RBCK1: variants seen among roughly 807,000 people sequenced by gnomAD.
RBCK1 encodes ranBP-type and C3HC4-type zinc finger-containing protein 1.
Under a neutral mutation model 71.1 loss-of-function variants are expected in RBCK1, and 44 were observed. The observed-to-expected ratio is 0.62, with a 90% CI of 0.49 to 0.80. The LOEUF is 0.80. Ranked by LOEUF, RBCK1 falls within the 30% of genes least tolerant of loss-of-function variation. The pLI is 0.00. For missense variants in RBCK1, 569 were observed against 685.0 expected (o/e 0.83, Z 1.89); for synonymous variants, 306 against 279.7 (o/e 1.09, Z -0.94).
chr20:421,674 G>T (rs959046584), intron 7 of RBCK1, among the ~76,000 whole-genome samples: 1 of 152,150 alleles, frequency 6.6e-6, no homozygotes, highest in Non-Finnish European at 1.5e-5. Context: ...GGCCTGGCCT[G>T]TTGGAGGAGA....
chr20:430,616 C>CTTCT lies in RBCK1; in HGVS notation c.*187_*190dup, dbSNP rs2016971585. On this transcript the variant is annotated 3_prime_UTR_variant, in exon 12 of 12. Coordinates refer to ENST00000356286, the MANE Select transcript of RBCK1 (RefSeq NM_031229.4). This position sits in a 1 kb window ranked among gnomAD's most constrained non-coding sequence, Gnocchi z 5.6. The stretch of plus-strand genomic sequence containing the variant: ...CTTCCCTTGGGGCTTGCCGGCCAGA[C>CTTCT]TTCTCTCCCCTGCGGCTCCCACCTC... 6 of 629,964 alleles carry CTTCT rather than the reference C, an allele frequency of 9.5e-6. No homozygotes were observed. In the South Asian group the frequency reaches 1.1e-4, roughly 12 times the overall value. 39.0% of individuals were successfully genotyped at this position (629,964 alleles called of 1,614,324 possible).
At position 431,813 on chromosome 20, in the gene RBCK1, G is replaced by A. The variant is rs781719741; in HGVS notation, c.*1383G>A. 2.0e-5 allele frequency among the ~76,000 whole-genome samples: 3 copies of A among 152,168 alleles called. No homozygotes were observed. The highest frequency in any genetic ancestry group is 4.8e-5 in the African/African-American group (2 of 41,452). ...AGGGGCACACTCAGGCAGCCTCCCC[G>A]GCCCTGGAGGCAGAAAGGCCCAGGC... On this transcript the variant is annotated 3_prime_UTR_variant, in exon 12 of 12. Coordinates refer to ENST00000356286, the MANE Select transcript of RBCK1 (RefSeq NM_031229.4). This position sits in a 1 kb window ranked among gnomAD's most constrained non-coding sequence, Gnocchi z 4.8.
chr20:422,564 T>A lies in RBCK1; in HGVS notation c.1029+326T>A, dbSNP rs2016503200. On this transcript the variant is annotated intron_variant, in intron 8 of 11. Coordinates refer to ENST00000356286, the MANE Select transcript of RBCK1 (RefSeq NM_031229.4). The surrounding 1 kb of genome is among the most constrained non-coding windows in gnomAD (Gnocchi z 5.0). ...CAGGGACTCGGCTGGGCGTGGCAGC[T>A]CACACCTGTAATCCCAGCACTTTGG... Among the ~76,000 whole-genome samples, 1 of 152,126 alleles carries A rather than the reference T, an allele frequency of 6.6e-6. No individual in the cohort carries two copies.
In RBCK1 at chr20:417,967, G is replaced by A. The variant is rs962744015; in HGVS notation, c.460+37G>A. 1 of 1,580,586 alleles carries A rather than the reference G, an allele frequency of 6.3e-7. No homozygotes were observed. Among genetic ancestry groups the A allele is most frequent in the South Asian group, 1.1e-5 (1 of 88,890 alleles). ...CCCTGAGCACCGCCGGACCCAGCGG[G>A]GGCCCTGGACTCACTTGAGGGCATA... On this transcript the variant is annotated intron_variant, in intron 4 of 11. Coordinates refer to ENST00000356286, the MANE Select transcript of RBCK1 (RefSeq NM_031229.4). The surrounding 1 kb of genome is among the most constrained non-coding windows in gnomAD (Gnocchi z 4.7).
At chr20:424,621 C>T (rs6139146) in intron 8 of RBCK1, among the ~76,000 whole-genome samples, 18 of 152,190 alleles carry the variant, frequency 1.2e-4, no homozygotes, top group Non-Finnish European at 2.6e-4. Flanking sequence ...TGGGTGGTTG[C>T]TGAGGCTCCT....
chr20:409,707 G>A (rs969523311), intron 1 of RBCK1, 174 bp from the exon 2 acceptor site: 7 of 957,096 alleles, frequency 7.3e-6, no homozygotes, highest in Non-Finnish European at 1.1e-5. Context: ...GAATATTAGA[G>A]AACCCCTCCC....
At position 422,175 on chromosome 20, in the gene RBCK1, C is replaced by T; in HGVS notation, c.966C>T (p.Ser322=). ...TIRNSQEAEV[S]CPFIDNTYSC... is the part of the protein sequence containing the mutation. ...GCAACAGCCAGGAGGCGGAGGTCTC[C>T]TGCCCCTTCATTGACAACACCTACT... The change falls in exon 8 of 12, where the codon TCC becomes TCT. Residue 322 remains serine, a synonymous_variant. Coordinates refer to ENST00000356286, the MANE Select transcript of RBCK1 (RefSeq NM_031229.4). This position sits in a 1 kb window ranked among gnomAD's most constrained non-coding sequence, Gnocchi z 5.0. The T allele has an allele frequency of 6.2e-7, 1 of 1,613,222 alleles. No individual in the cohort carries two copies. Among genetic ancestry groups the T allele is most frequent in the Non-Finnish European group, 8.5e-7 (1 of 1,179,936 alleles).
At chr20:420,340 T>C in intron 6 of RBCK1, 1 of 982,326 alleles carries the variant, frequency 1.0e-6, no homozygotes, top group Non-Finnish European at 1.2e-6. Flanking sequence ...CCCCGAGTGC[T>C]CCCCATTCTG....
Position 410,157 on chromosome 20 carries a change from C to T in RBCK1, c.167+132C>T, listed in dbSNP as rs149689056. ...TTCTAACCCTAGTTATGTCATTAATCAACTGTGAAATACAGAGCAGGTCAC... is the reference window on the plus strand; with the variant it reads ...TTCTAACCCTAGTTATGTCATTAATTAACTGTGAAATACAGAGCAGGTCAC... On this transcript the variant is annotated intron_variant, in intron 2 of 11. Coordinates refer to ENST00000356286, the MANE Select transcript of RBCK1 (RefSeq NM_031229.4). 9.1e-4 allele frequency: 948 copies of T among 1,041,914 alleles called. 5 individuals carry two copies. The Middle Eastern group carries it at 0.025, about 28-fold the overall frequency. 64.5% of individuals were successfully genotyped at this position (1,041,914 alleles called of 1,614,324 possible).
chr20:417,167 C>G lies in RBCK1; in HGVS notation c.168-359C>G. 1 of 496,202 alleles carries G rather than the reference C, an allele frequency of 2.0e-6. No individual in the cohort carries two copies. Among genetic ancestry groups the G allele is most frequent in the Middle Eastern group, 3.2e-4 (1 of 3,152 alleles). 30.7% of individuals were successfully genotyped at this position (496,202 alleles called of 1,614,324 possible). A position where few individuals can be genotyped will look rare whatever the true frequency, so the allele number is the denominator to read the frequency against. On this transcript the variant is annotated intron_variant, in intron 2 of 11. Transcript: ENST00000356286. This position sits in a 1 kb window ranked among gnomAD's most constrained non-coding sequence, Gnocchi z 4.7. ...TAAATGAGTTAATACACATGAAGTG[C>G]ATTAAATAGTCTTAGCACGTAGTTA...
At position 417,948 on chromosome 20, in the gene RBCK1, G is replaced by A; in HGVS notation, c.460+18G>A. On this transcript the variant is annotated intron_variant, in intron 4 of 11. Transcript: ENST00000356286. This position sits in a 1 kb window ranked among gnomAD's most constrained non-coding sequence, Gnocchi z 4.7. Reference sequence around the variant, plus strand: ...GCTGGAAGGTGAGGCTCTGCCCTGAGCACCGCCGGACCCAGCGGGGGCCCT... The same window carrying A: ...GCTGGAAGGTGAGGCTCTGCCCTGAACACCGCCGGACCCAGCGGGGGCCCT... 6 of 1,598,248 alleles carry A rather than the reference G, an allele frequency of 3.8e-6. No individual in the cohort carries two copies. The highest frequency in any genetic ancestry group is 5.1e-6 in the Non-Finnish European group (6 of 1,177,988).
At chr20:416,373 G>A (rs1376008871) in intron 2 of RBCK1, among the ~76,000 whole-genome samples, 3 of 151,874 alleles carry the variant, frequency 2.0e-5, no homozygotes, top group African/African-American at 7.3e-5. Flanking sequence ...TGTTAGCCAG[G>A]ATGGTCTCGA....
chr20:423,294 C>T (rs972927696), intron 8 of RBCK1, among the ~76,000 whole-genome samples: 13 of 152,180 alleles, frequency 8.5e-5, no homozygotes, highest in African/African-American at 1.4e-4. Flanking sequence ...AGCGAAACTC[C>T]GTCTGAAAAT....
chr20:410,319 T>G (rs544905735), intron 2 of RBCK1: 1 of 703,932 alleles, frequency 1.4e-6, no homozygotes, highest in African/African-American at 1.8e-5. Flanking sequence ...GTAAACAAAT[T>G]TGATGGCAGG....
At chr20:409,248 C>G (rs1188436623) in intron 1 of RBCK1, among the ~76,000 whole-genome samples, 2 of 152,240 alleles carry the variant, frequency 1.3e-5, no homozygotes, top group Admixed American at 6.5e-5. Context: ...GCCATGCTCA[C>G]TCTACTGGAG....
chr20:409,935 T>A lies in RBCK1; in HGVS notation c.77T>A (p.Val26Glu), dbSNP rs745858969. ...TRAVAGGDEQ[V>E]AMKCAIWLAE... ...GCAGTGGCGGGCGGGGATGAACAGGTGGCAATGAAGTGTGCCATCTGGCTG... is the reference window on the plus strand; with the variant it reads ...GCAGTGGCGGGCGGGGATGAACAGGAGGCAATGAAGTGTGCCATCTGGCTG... The change falls in exon 2 of 12, where the codon GTG becomes GAG. Residue 26 changes from valine (V) to glutamate (E), a missense_variant. Around this residue, in one of 2 missense-constraint regions of RBCK1, gnomAD observed 358 missense variants for 375.6 expected, o/e 0.95. Coordinates refer to ENST00000356286, the MANE Select transcript of RBCK1 (RefSeq NM_031229.4). 2 of 1,613,626 alleles carry A rather than the reference T, an allele frequency of 1.2e-6. No homozygotes were observed. Among genetic ancestry groups the A allele is most frequent in the South Asian group, 2.2e-5 (2 of 91,060 alleles).
rs751005507 is a variant in RBCK1, at chr20:409,907, C to T, written c.49C>T (p.Arg17Ter). The T allele has an allele frequency of 3.7e-6, 6 of 1,614,076 alleles. No individual in the cohort carries two copies. Among genetic ancestry groups the T allele is most frequent in the East Asian group, 2.2e-5 (1 of 44,880 alleles). Residue 17 changes from arginine to a stop codon, truncating the protein, a stop_gained, in exon 2 of 12, where the codon CGA (arginine) becomes TGA (stop). Coordinates refer to ENST00000356286, the MANE Select transcript of RBCK1 (RefSeq NM_031229.4). LOFTEE classifies it high-confidence loss of function. Reference protein sequence around the residue: ...KAEEMALSLTRAVAGGDEQVA... With the variant: ...KAEEMALSLT Reference sequence around the variant, plus strand: ...AGAGGAAATGGCCCTGAGCCTCACCCGAGCAGTGGCGGGCGGGGATGAACA... The same window carrying T: ...AGAGGAAATGGCCCTGAGCCTCACCTGAGCAGTGGCGGGCGGGGATGAACA...
At chr20:416,188 C>G (rs993091157) in intron 2 of RBCK1, among the ~76,000 whole-genome samples, 4 of 144,558 alleles carry the variant, frequency 2.8e-5, no homozygotes, top group African/African-American at 1.0e-4. Context: ...CAGAGTTTCA[C>G]TCTGTTGCCC....
intron 1 of RBCK1, 115 bp from the exon 2 acceptor site, chr20:409,766 C>T: frequency 6.8e-7 from 1 of 1,480,402 alleles, no homozygotes; most frequent in Non-Finnish European, 9.1e-7. Flanking sequence ...TAGGAGTTCA[C>T]CAGGAAGACA....
Sources: gnomAD v4.1 joint callset for allele counts (sites outside exome capture counted in the v4.1 genomes callset) on GRCh38, gnomAD v4.1.1 for gene constraint, gnomAD v4.1.1 regional missense constraint, Gnocchi (gnomAD v3.1) non-coding constraint, MANE v1.5 for transcripts, NCBI Gene and HGNC (gene_info 2026-07-23, HGNC 2026-07-21) for gene names.